ADGRB3: variants seen among roughly 807,000 people sequenced by gnomAD.
ADGRB3 encodes brain-specific angiogenesis inhibitor 3.
ADGRB3 carries 37 observed loss-of-function variants against 193.4 expected under a neutral mutation model. The ratio of observed to expected loss-of-function variants is 0.19; its 90% confidence interval spans 0.15 to 0.25. ADGRB3 has a LOEUF of 0.25. Among genes scored for constraint, ADGRB3 ranks in the 10% least tolerant of loss-of-function variants. The probability of loss-of-function intolerance (pLI) is 1.00; values close to 1 mark genes in which losing one functional copy is unlikely to be tolerated. For synonymous variants in ADGRB3, 690 were observed against 644.2 expected (o/e 1.07, Z -1.08); for missense variants, 1,637 against 1,852.9 (o/e 0.88, Z 2.14).
intron 3 of ADGRB3, among the ~76,000 whole-genome samples, chr6:68,876,890 T>G (rs2150222585): frequency 6.6e-6 from 1 of 152,182 alleles, no homozygotes; most frequent in South Asian, 2.1e-4. Flanking sequence ...CTCTTACTGA[T>G]TTTTTTCAAA....
intron 3 of ADGRB3, among the ~76,000 whole-genome samples, chr6:68,780,416 G>T (rs1465741318): frequency 6.6e-6 from 1 of 152,022 alleles, no homozygotes; most frequent in Non-Finnish European, 1.5e-5. Context: ...AAGTGTTTAG[G>T]TTATTTGAAA....
intron 10 of ADGRB3, among the ~76,000 whole-genome samples, chr6:68,977,219 CT>C (rs1768776855): frequency 6.6e-6 from 1 of 151,186 alleles, no homozygotes; most frequent in Admixed American, 6.6e-5. Context: ...TATAAAGCTT[CT>C]TTTATTAATA....
At chr6:69,245,925 A>G (rs1766490290) in intron 20 of ADGRB3, among the ~76,000 whole-genome samples, 1 of 152,162 alleles carries the variant, frequency 6.6e-6, no homozygotes, top group African/African-American at 2.4e-5. Context: ...TGAATGAAAT[A>G]AATTTGAATA....
chr6:69,256,184 G>A (rs1417476599), intron 20 of ADGRB3, among the ~76,000 whole-genome samples: 13 of 151,028 alleles, frequency 8.6e-5, no homozygotes, highest in South Asian at 2.1e-4. Flanking sequence ...TTGGCGATGC[G>A]GGCTCTTTTT....
chr6:69,040,337 CTTT>C (rs1770999591), intron 13 of ADGRB3, among the ~76,000 whole-genome samples: 1 of 49,224 alleles, frequency 2.0e-5, no homozygotes, highest in Non-Finnish European at 4.2e-5. Flanking sequence ...TTCTTTCTTT[CTTT>C]CTTTCTTTCT....
At chr6:69,256,722 C>T (rs1245386478) in intron 20 of ADGRB3, among the ~76,000 whole-genome samples, 1 of 152,154 alleles carries the variant, frequency 6.6e-6, no homozygotes, top group Non-Finnish European at 1.5e-5. Flanking sequence ...TTGCCCTGGC[C>T]AGAACTTCCA....
intron 3 of ADGRB3, among the ~76,000 whole-genome samples, chr6:68,655,397 A>G (rs139818476): frequency 6.6e-6 from 1 of 151,722 alleles, no homozygotes. Flanking sequence ...AATACTTAGC[A>G]TAATGTTTGG....
rs762465422 is a variant in ADGRB3 at position 68,839,109 on chromosome 6, C to CACACACAT, written c.758-91449_758-91448insCACACATA. On this transcript the variant is annotated intron_variant, in intron 3 of 31. Transcript: ENST00000370598. ...ACACACACACACACACACACACACA[C>CACACACAT]ATTCCCACATACACACATTAGACCT... Among the ~76,000 whole-genome samples, 189 of 135,160 alleles carry CACACACAT rather than the reference C, an allele frequency of 1.4e-3. 14 individuals are homozygous for CACACACAT. The highest frequency in any genetic ancestry group is 4.8e-3 in the African/African-American group (177 of 36,980). 88.7% of individuals were successfully genotyped at this position (135,160 alleles called of 152,430 possible).
chr6:68,738,426 C>T (rs1765914300), intron 3 of ADGRB3, among the ~76,000 whole-genome samples: 1 of 151,660 alleles, frequency 6.6e-6, no homozygotes, highest in East Asian at 1.9e-4. Context: ...AGCTGGGGGA[C>T]AAAGCTAGAA....
At chr6:69,120,074 G>T (rs1214705631) in intron 17 of ADGRB3, among the ~76,000 whole-genome samples, 1 of 152,090 alleles carries the variant, frequency 6.6e-6, no homozygotes, top group African/African-American at 2.4e-5. Flanking sequence ...GGGGATTCAT[G>T]AATAAGTTCA....
Position 69,389,012 on chromosome 6 carries a change from A to G in ADGRB3, c.*121A>G, listed in dbSNP as rs1770137334. On this transcript the variant is annotated 3_prime_UTR_variant, in exon 32 of 32. Coordinates refer to ENST00000370598, the MANE Select transcript of ADGRB3 (RefSeq NM_001704.3). ...CTTATGTCAGGACCTTCATGTGCCA[A>G]ACGTCAGTGGTGTTTTCATATGGTA... The G allele has an allele frequency of 7.1e-6, 7 of 990,386 alleles. No homozygotes were observed. Among genetic ancestry groups the G allele is most frequent in the Non-Finnish European group, 1.4e-6 (1 of 689,732 alleles). 61.3% of individuals were successfully genotyped at this position (990,386 alleles called of 1,614,324 possible). A position where few individuals can be genotyped will look rare whatever the true frequency, so the allele number is the denominator to read the frequency against.
chr6:69,257,419 G>C (rs1313114754), intron 20 of ADGRB3, among the ~76,000 whole-genome samples: 1 of 152,048 alleles, frequency 6.6e-6, no homozygotes, highest in African/African-American at 2.4e-5. Flanking sequence ...ACTTCTTCCT[G>C]GTTTAGTCTT....
intron 3 of ADGRB3, among the ~76,000 whole-genome samples, chr6:68,801,681 C>T (rs999789761): frequency 4.6e-5 from 7 of 151,958 alleles, no homozygotes; most frequent in Admixed American, 3.3e-4. Flanking sequence ...AAGAGCGAAA[C>T]TCCATCTAAA....
chr6:68,891,837 G>A (rs1766085990), intron 3 of ADGRB3, among the ~76,000 whole-genome samples: 1 of 152,146 alleles, frequency 6.6e-6, no homozygotes, highest in Non-Finnish European at 1.5e-5. Context: ...GGAAAGTGAG[G>A]AATGAAGATG....
At chr6:69,162,062 C>G (rs1775005567) in intron 17 of ADGRB3, among the ~76,000 whole-genome samples, 1 of 151,992 alleles carries the variant, frequency 6.6e-6, no homozygotes, top group African/African-American at 2.4e-5. Flanking sequence ...GATGTGAATA[C>G]CAGGAATCAG....
chr6:69,283,021 T>A (rs1042610270), intron 20 of ADGRB3, among the ~76,000 whole-genome samples: 1 of 151,822 alleles, frequency 6.6e-6, no homozygotes, highest in Non-Finnish European at 1.5e-5. Context: ...AGTGAACTAA[T>A]GAGAAGGCAA....
At chr6:69,040,305 GTCTC>G (rs377512625) in intron 13 of ADGRB3, among the ~76,000 whole-genome samples, 1 of 106,830 alleles carries the variant, frequency 9.4e-6, no homozygotes, top group Non-Finnish European at 2.0e-5. Flanking sequence ...TCCTTTCTCT[GTCTC>G]TTTCTTTCTT....
At chr6:69,285,247 T>C (rs757245871) in intron 20 of ADGRB3, among the ~76,000 whole-genome samples, 3 of 152,214 alleles carry the variant, frequency 2.0e-5, no homozygotes, top group African/African-American at 7.2e-5. Context: ...AACTAGCCTA[T>C]GATGCTGCCT....
At chr6:69,169,543 TA>T (rs1164419547) in intron 17 of ADGRB3, among the ~76,000 whole-genome samples, 1 of 149,882 alleles carries the variant, frequency 6.7e-6, no homozygotes, top group African/African-American at 2.4e-5. Context: ...AATTATAATA[TA>T]AGCACGAATT....
Sources: allele counts gnomAD v4.1 joint callset (sites outside exome capture counted in the v4.1 genomes callset), GRCh38; gene constraint gnomAD v4.1.1; transcripts MANE v1.5; gene names NCBI Gene and HGNC (gene_info 2026-07-23, HGNC 2026-07-21).